The following STX7 variants were observed in gnomAD, a reference collection of about 807,000 sequenced individuals.
The protein encoded by STX7 is syntaxin-7.
Under a neutral mutation model 39.6 loss-of-function variants are expected in STX7, and 34 were observed. That is an observed-to-expected ratio of 0.86 (90% CI 0.65 to 1.14). The LOEUF is 1.14. Ranked by LOEUF, STX7 falls within the 50% of genes most tolerant of loss-of-function variation. The probability of loss-of-function intolerance (pLI) is 0.00; values close to 1 mark genes in which losing one functional copy is unlikely to be tolerated. For missense variants in STX7, 284 were observed against 310.4 expected (o/e 0.92, Z 0.64); for synonymous variants, 119 against 99.1 (o/e 1.20, Z -1.19).
chr6:132,486,688 A>T (rs1775141131), intron 2 of STX7, among the ~76,000 whole-genome samples: 1 of 139,894 alleles, frequency 7.1e-6, no homozygotes, highest in Admixed American at 7.3e-5. Flanking sequence ...TTTTTGAGAC[A>T]GAGTCTTGCT....
chr6:132,478,121 C>T (rs1296150805), intron 2 of STX7, among the ~76,000 whole-genome samples: 6 of 151,526 alleles, frequency 4.0e-5, no homozygotes, highest in African/African-American at 7.3e-5. Flanking sequence ...GAAAAATGGG[C>T]CAAGACACGT....
intron 8 of STX7, among the ~76,000 whole-genome samples, chr6:132,467,200 C>T (rs1168718362): frequency 6.6e-6 from 1 of 152,194 alleles, no homozygotes; most frequent in Non-Finnish European, 1.5e-5. Context: ...TCATCCCCTG[C>T]ACTTGGACAT....
chr6:132,476,626 CA>C (rs1414362049), intron 2 of STX7, among the ~76,000 whole-genome samples: 1 of 151,934 alleles, frequency 6.6e-6, no homozygotes, highest in African/African-American at 2.4e-5. Flanking sequence ...ACACATTAAA[CA>C]AAAGTTGAAA....
chr6:132,469,583 A>G (rs1774658253), intron 7 of STX7, among the ~76,000 whole-genome samples: 1 of 152,152 alleles, frequency 6.6e-6, no homozygotes, highest in Non-Finnish European at 1.5e-5. Flanking sequence ...CACATCTATA[A>G]TCCTAGTACT....
At chr6:132,479,833 C>T (rs9483459) in intron 2 of STX7, among the ~76,000 whole-genome samples, 32,269 of 152,066 alleles carry the variant, frequency 0.21, 3,849 homozygotes, top group East Asian at 0.54. Context: ...CACATCCATA[C>T]GCTCTACAGA....
intron 2 of STX7, among the ~76,000 whole-genome samples, chr6:132,484,370 A>C (rs1775079507): frequency 6.6e-6 from 1 of 152,136 alleles, no homozygotes. Flanking sequence ...ATTTAAGAAA[A>C]AAGCTTTACA....
chr6:132,510,371 C>T (rs536848220), intron 1 of STX7, among the ~76,000 whole-genome samples: 2 of 152,176 alleles, frequency 1.3e-5, no homozygotes, highest in African/African-American at 4.8e-5. Context: ...CATTATCTGT[C>T]GATTAAAATA....
In STX7 at chr6:132,459,224, C is replaced by G. The variant is rs1774325241; in HGVS notation, c.*1534G>C. On this transcript the variant is annotated 3_prime_UTR_variant, in exon 10 of 10. Coordinates refer to ENST00000367941, the MANE Select transcript of STX7 (RefSeq NM_003569.3). ...AGTCTGATTCTGGCAACAGGAGTCT[C>G]TAAGTTCCAATCACTCACTCACAAA... 1.3e-5 allele frequency: 2 copies of G among 152,230 alleles called. No individual in the cohort carries two copies. The highest frequency in any genetic ancestry group is 4.8e-5 in the African/African-American group (2 of 41,454). The allele number at this position is 152,230 out of a possible 1,614,324, so 9.4% of individuals were successfully genotyped here. A position where few individuals can be genotyped will look rare whatever the true frequency, so the allele number is the denominator to read the frequency against.
intron 2 of STX7, among the ~76,000 whole-genome samples, chr6:132,496,460 T>C (rs1775422124): frequency 6.6e-6 from 1 of 152,144 alleles, no homozygotes; most frequent in Non-Finnish European, 1.5e-5. Context: ...AGCTTTCCCA[T>C]CTCCTAACAC....
chr6:132,461,176 T>C (rs1339220774), intron 9 of STX7, among the ~76,000 whole-genome samples: 1 of 152,240 alleles, frequency 6.6e-6, no homozygotes, highest in African/African-American at 2.4e-5. Context: ...GAGACTGAGG[T>C]TACCTATGAA....
intron 3 of STX7, among the ~76,000 whole-genome samples, chr6:132,474,099 G>A (rs1774808300): frequency 2.0e-5 from 3 of 151,864 alleles, no homozygotes; most frequent in Admixed American, 2.0e-4. Context: ...CATGGTGGAT[G>A]TGCCTGTATT....
At chr6:132,508,873 A>G (rs1284342436) in intron 1 of STX7, among the ~76,000 whole-genome samples, 1 of 152,208 alleles carries the variant, frequency 6.6e-6, no homozygotes, top group Admixed American at 6.5e-5. Flanking sequence ...GATGTGTAAA[A>G]TAAAACAAAG....
intron 2 of STX7, among the ~76,000 whole-genome samples, chr6:132,499,806 T>G (rs1775509269): frequency 6.6e-6 from 1 of 152,184 alleles, no homozygotes; most frequent in Non-Finnish European, 1.5e-5. Flanking sequence ...TTCCTGTATC[T>G]AAAGTAGATG....
At chr6:132,463,413 T>C (rs1423261602) in intron 9 of STX7, among the ~76,000 whole-genome samples, 2 of 152,198 alleles carry the variant, frequency 1.3e-5, no homozygotes, top group Admixed American at 6.5e-5. Flanking sequence ...ACTTGACATA[T>C]AATTTATATT....
intron 9 of STX7, chr6:132,461,927 A>T: frequency 1.5e-6 from 2 of 1,377,258 alleles, no homozygotes; most frequent in Non-Finnish European, 2.0e-6. Flanking sequence ...ATTTATAAAA[A>T]GATACATTTC....
Position 132,460,692 on chromosome 6 carries a change from C to A in STX7, c.*66G>T. 2.5e-6 allele frequency: 3 copies of A among 1,218,018 alleles called. No homozygotes were observed. Among genetic ancestry groups the A allele is most frequent in the Non-Finnish European group, 3.5e-6 (3 of 855,290 alleles). The allele number at this position is 1,218,018 out of a possible 1,614,324, so 75.5% of individuals were successfully genotyped here. A position where few individuals can be genotyped will look rare whatever the true frequency, so the allele number is the denominator to read the frequency against. ...AGCTTTAAAATAATAATTAAAAAAA[C>A]ATGATTACAGGAATCTTCCTACATA... On this transcript the variant is annotated 3_prime_UTR_variant, in exon 10 of 10. Transcript: ENST00000367941.
intron 2 of STX7, among the ~76,000 whole-genome samples, chr6:132,497,607 T>G (rs17061348): frequency 3.3e-5 from 5 of 152,234 alleles, no homozygotes; most frequent in African/African-American, 1.2e-4. Context: ...TTTTGATATA[T>G]TGATTCTGCT....
At chr6:132,461,866 A>G (rs1301535589) in intron 9 of STX7, 4 of 1,539,332 alleles carry the variant, frequency 2.6e-6, no homozygotes, top group Admixed American at 2.0e-5. Context: ...TTTTTCTTAC[A>G]AAGTAGAAAA....
Position 132,446,924 on chromosome 6 carries a change from G to A in STX7, c.*13834C>T, listed in dbSNP as rs571731542. On this transcript the variant is annotated 3_prime_UTR_variant, in exon 10 of 10. Coordinates refer to ENST00000367941, the MANE Select transcript of STX7 (RefSeq NM_003569.3). ...GAGTCAATTCCATCCAAAGCCAATAGAAGAGAGACAGTACTCTAAAAGAAG... is the reference window on the plus strand; with the variant it reads ...GAGTCAATTCCATCCAAAGCCAATAAAAGAGAGACAGTACTCTAAAAGAAG... 1.3e-5 allele frequency: 2 copies of A among 152,236 alleles called. No homozygotes were observed. Among genetic ancestry groups the A allele is most frequent in the South Asian group, 2.1e-4 (1 of 4,822 alleles). 9.4% of individuals were successfully genotyped at this position (152,236 alleles called of 1,614,324 possible).
Sources: allele counts gnomAD v4.1 joint callset (sites outside exome capture counted in the v4.1 genomes callset), GRCh38; gene constraint gnomAD v4.1.1; transcripts MANE v1.5; gene names NCBI Gene and HGNC (gene_info 2026-07-23, HGNC 2026-07-21).